Variants in TENM4 observed in about 807,000 individuals in gnomAD.
The protein encoded by TENM4 is teneurin transmembrane protein 4.
Under a neutral mutation model 243.3 loss-of-function variants are expected in TENM4, and 82 were observed. The observed-to-expected ratio is 0.34, with a 90% CI of 0.28 to 0.40. TENM4 has a LOEUF of 0.40. Among genes scored for constraint, TENM4 ranks in the 10% least tolerant of loss-of-function variants. The pLI is 1.00. For synonymous variants in TENM4, 1,412 were observed against 1,456.3 expected (o/e 0.97, Z 0.69); for missense variants, 3,138 against 3,673.3 (o/e 0.85, Z 3.77).
chr11:79,270,268 G>A (rs182284584), intron 2 of TENM4, among the ~76,000 whole-genome samples: 2 of 152,324 alleles, frequency 1.3e-5, no homozygotes, highest in African/African-American at 2.4e-5. Flanking sequence ...ACTTATGGGT[G>A]TGCACAAGGC....
chr11:79,053,493 A>C (rs1030305810), intron 6 of TENM4, among the ~76,000 whole-genome samples: 6 of 152,208 alleles, frequency 3.9e-5, no homozygotes, highest in African/African-American at 1.4e-4. Flanking sequence ...ATCTCCTGCT[A>C]TGATGCAACC....
At chr11:79,160,055 A>G (rs949619513) in intron 3 of TENM4, among the ~76,000 whole-genome samples, 1 of 151,664 alleles carries the variant, frequency 6.6e-6, no homozygotes, top group African/African-American at 2.4e-5. Context: ...CATTCTTTCT[A>G]TCCTTCATTC....
chr11:79,340,495 T>G (rs1338143153), intron 1 of TENM4, among the ~76,000 whole-genome samples: 3 of 152,116 alleles, frequency 2.0e-5, no homozygotes, highest in Non-Finnish European at 4.4e-5. Flanking sequence ...TAGGGTGGAA[T>G]GTCAAGATTT....
intron 12 of TENM4, among the ~76,000 whole-genome samples, chr11:78,833,868 G>T (rs898336301): frequency 6.6e-6 from 1 of 152,156 alleles, no homozygotes; most frequent in East Asian, 1.9e-4. Context: ...AATTCTTAAG[G>T]TTATTCATCT....
At chr11:78,841,562 C>T (rs982662114) in intron 12 of TENM4, among the ~76,000 whole-genome samples, 22 of 152,262 alleles carry the variant, frequency 1.4e-4, no homozygotes, top group Admixed American at 4.6e-4. Context: ...TGTGTCTCCT[C>T]CTTTCCTAGG....
In TENM4 at chr11:79,391,639, T is replaced by C. The variant is rs58729946; in HGVS notation, c.-321+48870A>G. 2.8e-4 allele frequency among the ~76,000 whole-genome samples: 42 copies of C among 152,336 alleles called. No individual in the cohort carries two copies. In the East Asian group the frequency reaches 7.9e-3, roughly 29 times the overall value. ...GGGTGAAAAACCTGACATGAAGTAA[T>C]GTGAAGCTATTTACTGTCTTTATCT... On this transcript the variant is annotated intron_variant, in intron 1 of 33. Transcript: ENST00000278550.
In TENM4 at chr11:78,729,527, G is replaced by C. The variant is rs1350122121; in HGVS notation, c.3255C>G (p.Pro1085=). 1 of 1,613,998 alleles carries C rather than the reference G, an allele frequency of 6.2e-7. No homozygotes were observed. Among genetic ancestry groups the C allele is most frequent in the Non-Finnish European group, 8.5e-7 (1 of 1,179,886 alleles). ...TGAGGTGCACCTTCATGAGGTTGAA[G>C]GGGATGGTCGGGTGGGTGAGGCTGA... The part of the protein sequence containing the change: ...LRISLTHPTI[P]FNLMKVHLMV... The change falls in exon 22 of 34, where the codon CCC becomes CCG. Residue 1085 remains proline (P), a synonymous_variant. Transcript: ENST00000278550.
intron 4 of TENM4, among the ~76,000 whole-genome samples, chr11:79,129,534 G>T (rs1161677625): frequency 1.3e-5 from 2 of 152,156 alleles, no homozygotes; most frequent in African/African-American, 2.4e-5. Context: ...TGTTTGTTGG[G>T]GGGTAGGGAG....
Position 78,807,017 on chromosome 11 carries a change from C to T in TENM4, c.1979-1525G>A, listed in dbSNP as rs147657122. On this transcript the variant is annotated intron_variant, in intron 14 of 33. Coordinates refer to ENST00000278550, the MANE Select transcript of TENM4 (RefSeq NM_001098816.3). The stretch of plus-strand genomic sequence containing the variant: ...TTCAAGGTTCATCCATGTTGTGGCA[C>T]GGCCAGAATTTCCTTCCTTTTTAAG... Among the ~76,000 whole-genome samples, 80 of 152,268 alleles carry T rather than the reference C, an allele frequency of 5.3e-4. 1 individual carries two copies. In the East Asian group the frequency reaches 0.01, roughly 19 times the overall value.
intron 4 of TENM4, among the ~76,000 whole-genome samples, chr11:79,121,492 G>A (rs1400465594): frequency 6.6e-6 from 1 of 152,216 alleles, no homozygotes; most frequent in Non-Finnish European, 1.5e-5. Flanking sequence ...TCCCAGCCAA[G>A]TAGCTTTATT....
At chr11:79,328,725 C>G (rs1327366792) in intron 1 of TENM4, among the ~76,000 whole-genome samples, 1 of 152,132 alleles carries the variant, frequency 6.6e-6, no homozygotes, top group Non-Finnish European at 1.5e-5. Context: ...AGTTGGAGAA[C>G]TGAGGGAGAA....
intron 12 of TENM4, among the ~76,000 whole-genome samples, chr11:78,850,573 G>A (rs889200790): frequency 3.3e-5 from 5 of 152,230 alleles, no homozygotes; most frequent in South Asian, 2.1e-4. Context: ...TGGGGAAAGC[G>A]GGATTAATAG....
At chr11:78,710,872 C>T (rs672342) in intron 26 of TENM4, among the ~76,000 whole-genome samples, 6,408 of 152,288 alleles carry the variant, frequency 0.042, 289 homozygotes, top group African/African-American at 0.11. Context: ...GGGAAGAGAA[C>T]ACACATGTGT....
intron 1 of TENM4, among the ~76,000 whole-genome samples, chr11:79,427,178 C>T (rs1816996082): frequency 6.6e-6 from 1 of 152,042 alleles, no homozygotes; most frequent in Non-Finnish European, 1.5e-5. Context: ...CTAGAGGGAC[C>T]CTGGTCTTGG....
chr11:79,409,089 TGTGTGTGTGTGTGCGCGC>T (rs1419030073), intron 1 of TENM4, among the ~76,000 whole-genome samples: 2 of 118,038 alleles, frequency 1.7e-5, no homozygotes, highest in Non-Finnish European at 3.7e-5. Context: ...TGTGTGTGTG[TGTGTGTGTGTGTGCGCGC>T]GCGCGCGTGC....
At chr11:79,165,872 CA>C (rs1363959994) in intron 3 of TENM4, among the ~76,000 whole-genome samples, 1 of 152,122 alleles carries the variant, frequency 6.6e-6, no homozygotes, top group Non-Finnish European at 1.5e-5. Flanking sequence ...GACAATTATC[CA>C]AGTACCATTT....
intron 3 of TENM4, among the ~76,000 whole-genome samples, chr11:79,214,485 T>A (rs1356718392): frequency 1.8e-4 from 27 of 152,228 alleles, no homozygotes; most frequent in Admixed American, 1.8e-3. Context: ...CTTTGTCGAA[T>A]AACTAAATAA....
At chr11:78,711,711 C>T (rs1447324908) in intron 26 of TENM4, among the ~76,000 whole-genome samples, 1 of 152,124 alleles carries the variant, frequency 6.6e-6, no homozygotes, top group East Asian at 1.9e-4. Flanking sequence ...GAACACTCCA[C>T]TGAGTGTGGA....
chr11:79,234,445 A>C (rs1356921029), intron 2 of TENM4, among the ~76,000 whole-genome samples: 1 of 152,134 alleles, frequency 6.6e-6, no homozygotes, highest in African/African-American at 2.4e-5. Flanking sequence ...GCCTCGGGCA[A>C]TTCACTGCAT....
Sources: allele counts gnomAD v4.1 joint callset (sites outside exome capture counted in the v4.1 genomes callset), GRCh38; gene constraint gnomAD v4.1.1; transcripts MANE v1.5; gene names NCBI Gene and HGNC (gene_info 2026-07-23, HGNC 2026-07-21).